The following SP100 variants were observed in gnomAD, a reference collection of about 807,000 sequenced individuals.
SP100 encodes nuclear autoantigen Sp-100.
In SP100, 84 loss-of-function variants were observed where a neutral mutation model predicts 130.0. That is an observed-to-expected ratio of 0.65 (90% CI 0.54 to 0.77). The LOEUF is 0.77. SP100 is among the 30% of genes least tolerant of loss of function. The pLI is 0.00. For missense variants in SP100, 978 were observed against 1,052.2 expected, an observed-to-expected ratio of 0.93 and a Z score of 0.97; for synonymous variants, 331 against 351.7, an observed-to-expected ratio of 0.94 and a Z score of 0.66.
At chr2:230,508,248 G>A in intron 23 of SP100, 4 of 487,434 alleles carry the variant, frequency 8.2e-6, no homozygotes, top group South Asian at 9.3e-5. Flanking sequence ...ACAATCCTCA[G>A]AAATAGATTA....
rs530686861 is a variant in SP100, at chr2:230,505,257, C to T, written c.1870+967C>T. 2.2e-4 allele frequency among the ~76,000 whole-genome samples: 33 copies of T among 152,280 alleles called. No individual in the cohort carries two copies. In the South Asian group the frequency reaches 6.4e-3, roughly 30 times the overall value. On this transcript the variant is annotated intron_variant, in intron 21 of 28. Coordinates refer to ENST00000340126, the MANE Select transcript of SP100 (RefSeq NM_001080391.2). Reference sequence around the variant, plus strand: ...AACCTATGAGGCCATCTCCTCTTACCCTATGTGAAAGGCCCACAAGACATC... The same window carrying T: ...AACCTATGAGGCCATCTCCTCTTACTCTATGTGAAAGGCCCACAAGACATC...
intron 15 of SP100, chr2:230,473,038 C>T (rs2065354505): frequency 3.7e-6 from 1 of 268,556 alleles, no homozygotes; most frequent in Non-Finnish European, 7.2e-6. Flanking sequence ...ACCTCCAAAA[C>T]TGAGCACATC....
chr2:230,503,708 G>A (rs570717603), intron 20 of SP100, among the ~76,000 whole-genome samples: 1 of 152,172 alleles, frequency 6.6e-6, no homozygotes, highest in Non-Finnish European at 1.5e-5. Flanking sequence ...AAGTGAAAAA[G>A]TGAAGCAAAG....
intron 19 of SP100, among the ~76,000 whole-genome samples, chr2:230,500,692 A>C (rs959556580): frequency 6.6e-6 from 1 of 152,142 alleles, no homozygotes; most frequent in Non-Finnish European, 1.5e-5. Flanking sequence ...AAGAGTTAGA[A>C]GTGGCCAGTT....
Position 230,470,456 on chromosome 2 carries a change from A to G in SP100, c.1429+358A>G, listed in dbSNP as rs900989958. The G allele has an allele frequency of 8.2e-6, 8 of 979,878 alleles. No individual in the cohort carries two copies. The African/African-American group carries it at 1.2e-4, about 15-fold the overall frequency. The allele number at this position is 979,878 out of a possible 1,614,324, so 60.7% of individuals were successfully genotyped here. ...TGACATCATTGTCATTTGTAATTGT[A>G]AAGCCTCAAAAGACAACTGTTCCTA... On this transcript the variant is annotated intron_variant, in intron 15 of 28. Coordinates refer to ENST00000340126, the MANE Select transcript of SP100 (RefSeq NM_001080391.2).
intron 2 of SP100, among the ~76,000 whole-genome samples, chr2:230,436,079 GT>G: frequency 6.6e-6 from 1 of 152,234 alleles, no homozygotes; most frequent in South Asian, 2.1e-4. Context: ...AATAATGGAT[GT>G]TTTAAAACTA....
intron 9 of SP100, 149 bp from the exon 10 acceptor site, chr2:230,462,286 G>GC: frequency 1.7e-6 from 1 of 578,652 alleles, no homozygotes. Flanking sequence ...GGAACAAACT[G>GC]CAGGTGGCAT....
intron 24 of SP100, among the ~76,000 whole-genome samples, chr2:230,537,022 C>G (rs750972375): frequency 5.0e-4 from 76 of 152,136 alleles, no homozygotes; most frequent in Non-Finnish European, 8.2e-4. Flanking sequence ...CTTTGGGAGG[C>G]TGAGGCAAGA....
intron 4 of SP100, 83 bp downstream of exon 4, chr2:230,444,429 C>A: frequency 1.8e-6 from 2 of 1,122,602 alleles, no homozygotes; most frequent in Non-Finnish European, 1.3e-6. Context: ...CCATGAGTGA[C>A]ATGTTGTGTT....
intron 24 of SP100, among the ~76,000 whole-genome samples, chr2:230,525,806 T>C (rs1691393591): frequency 6.6e-6 from 1 of 152,168 alleles, no homozygotes; most frequent in African/African-American, 2.4e-5. Context: ...AGCACATCAA[T>C]CTGAGATCAA....
intron 24 of SP100, among the ~76,000 whole-genome samples, chr2:230,511,651 G>A (rs1052774281): frequency 6.0e-5 from 6 of 99,222 alleles, no homozygotes; most frequent in African/African-American, 3.7e-4. Flanking sequence ...CATTAGTTCT[G>A]CAGAGGAAGA....
At chr2:230,462,224 G>A (rs1393380451) in intron 9 of SP100, among the ~76,000 whole-genome samples, 1 of 152,146 alleles carries the variant, frequency 6.6e-6, no homozygotes, top group African/African-American at 2.4e-5. Context: ...GTCAGTGGAT[G>A]GGCACAACTG....
At chr2:230,466,703 TAGA>T (rs1255690094) in intron 12 of SP100, among the ~76,000 whole-genome samples, 1 of 152,180 alleles carries the variant, frequency 6.6e-6, no homozygotes. Flanking sequence ...AGCAGGCAAG[TAGA>T]AGATCTGCCT....
chr2:230,429,504 G>A (rs1366452616), intron 2 of SP100, among the ~76,000 whole-genome samples: 1 of 152,092 alleles, frequency 6.6e-6, no homozygotes, highest in East Asian at 1.9e-4. Context: ...CTCCCCAAAT[G>A]TGGAAAGTTT....
rs1410946459 is a variant in SP100, at chr2:230,541,203, G to A, written c.2332-98G>A. 6 of 1,285,554 alleles carry A rather than the reference G, an allele frequency of 4.7e-6. No individual in the cohort carries two copies. In the South Asian group the frequency reaches 5.2e-5, roughly 11 times the overall value. The allele number at this position is 1,285,554 out of a possible 1,614,324, so 79.6% of individuals were successfully genotyped here. A position where few individuals can be genotyped will look rare whatever the true frequency, so the allele number is the denominator to read the frequency against. On this transcript the variant is annotated intron_variant, in intron 26 of 28. Transcript: ENST00000340126. ...CCCCATGCCATGTTTGTTTCAAAGA[G>A]TCCACAGGTTTGGGAGTCGTGTGTT...
chr2:230,539,087 A>C (rs201651749), intron 24 of SP100, 180 bp from the exon 25 acceptor site: 1 of 427,900 alleles, frequency 2.3e-6, no homozygotes, highest in Non-Finnish European at 4.3e-6. Flanking sequence ...GGCCTGACAC[A>C]CAGCCACTAT....
intron 9 of SP100, 48 bp from the exon 10 acceptor site, chr2:230,462,387 C>T (rs1367110245): frequency 4.1e-6 from 6 of 1,449,258 alleles, no homozygotes; most frequent in East Asian, 2.3e-5. Flanking sequence ...TGCATGGACT[C>T]CTTGGTCACA....
chr2:230,508,265 A>G, intron 23 of SP100: 2 of 506,192 alleles, frequency 4.0e-6, no homozygotes, highest in South Asian at 8.7e-5. Flanking sequence ...ATTAAAAGAC[A>G]GAACTGAATT....
At chr2:230,535,906 C>CAAAAAAAAAAAAAAA (rs34684038) in intron 24 of SP100, among the ~76,000 whole-genome samples, 4 of 47,600 alleles carry the variant, frequency 8.4e-5, no homozygotes, top group African/African-American at 4.5e-4. Flanking sequence ...GACTCCATCT[C>CAAAAAAAAAAAAAAA]AAAAAAAAAA....
Sources: gnomAD v4.1 joint callset for allele counts (sites outside exome capture counted in the v4.1 genomes callset) on GRCh38, gnomAD v4.1.1 for gene constraint, MANE v1.5 for transcripts, NCBI Gene and HGNC (gene_info 2026-07-23, HGNC 2026-07-21) for gene names.